LRRTM4: variants seen among roughly 807,000 people sequenced by gnomAD.
The protein encoded by LRRTM4 is leucine rich repeat transmembrane neuronal 4, also known as leucine-rich repeat transmembrane neuronal protein 4.
LRRTM4 carries 25 observed loss-of-function variants against 47.6 expected under a neutral mutation model. That is an observed-to-expected ratio of 0.53 (90% CI 0.38 to 0.73). LRRTM4 has a LOEUF of 0.73. Ranked by LOEUF, LRRTM4 falls within the 30% of genes least tolerant of loss-of-function variation. LRRTM4 has a pLI of 0.00. For synonymous variants in LRRTM4, 311 were observed against 269.5 expected (o/e 1.15, Z -1.51); for missense variants, 638 against 713.4 (o/e 0.89, Z 1.20).
At chr2:76,824,927 T>C (rs1671151075) in intron 3 of LRRTM4, among the ~76,000 whole-genome samples, 1 of 151,606 alleles carries the variant, frequency 6.6e-6, no homozygotes, top group Admixed American at 6.6e-5. Flanking sequence ...CTAGTGACCA[T>C]CAAATGACAC....
At chr2:77,223,477 A>G (rs1674706377) in intron 3 of LRRTM4, among the ~76,000 whole-genome samples, 1 of 152,190 alleles carries the variant, frequency 6.6e-6, no homozygotes, top group Non-Finnish European at 1.5e-5. Flanking sequence ...CTCAGCCCAA[A>G]ATCTCCTTAA....
At chr2:76,877,916 GA>G (rs148539786) in intron 3 of LRRTM4, among the ~76,000 whole-genome samples, 28,195 of 151,912 alleles carry the variant, frequency 0.19, 2,692 homozygotes, top group Admixed American at 0.24. Context: ...AAAGAAGAAG[GA>G]AAAAAGGTCA....
At chr2:77,517,795 T>A (rs764739146) in intron 3 of LRRTM4, 1 of 985,018 alleles carries the variant, frequency 1.0e-6, no homozygotes, top group Non-Finnish European at 1.2e-6. Context: ...GCAAGTAACA[T>A]GGGTGTGAGA....
chr2:76,878,624 T>A (rs1672842688), intron 3 of LRRTM4, among the ~76,000 whole-genome samples: 1 of 152,088 alleles, frequency 6.6e-6, no homozygotes. Context: ...AGCCCAGCAC[T>A]TTGGTAGTCC....
At chr2:77,101,026 G>C (rs1670938823) in intron 3 of LRRTM4, among the ~76,000 whole-genome samples, 1 of 151,812 alleles carries the variant, frequency 6.6e-6, no homozygotes, top group East Asian at 1.9e-4. Flanking sequence ...TAGTAGAGAC[G>C]GGGTTTCACC....
intron 3 of LRRTM4, chr2:77,517,600 A>C (rs758555394): frequency 1.0e-6 from 1 of 985,052 alleles, no homozygotes; most frequent in South Asian, 4.7e-5. Flanking sequence ...AATCGGATCT[A>C]TATCCCAGTA....
At chr2:76,811,837 A>C (rs1670743236) in intron 3 of LRRTM4, among the ~76,000 whole-genome samples, 1 of 152,174 alleles carries the variant, frequency 6.6e-6, no homozygotes, top group South Asian at 2.1e-4. Flanking sequence ...GCAAGCCTTC[A>C]AGTAGGAAGA....
At chr2:77,300,770 C>CT (rs1215413513) in intron 3 of LRRTM4, among the ~76,000 whole-genome samples, 2 of 151,988 alleles carry the variant, frequency 1.3e-5, no homozygotes, top group Non-Finnish European at 2.9e-5. Flanking sequence ...ATATTTAGTG[C>CT]TTTTCTATTA....
intron 3 of LRRTM4, among the ~76,000 whole-genome samples, chr2:77,436,675 G>T (rs1675612123): frequency 6.6e-6 from 1 of 151,466 alleles, no homozygotes; most frequent in Non-Finnish European, 1.5e-5. Context: ...TTTTGATAAT[G>T]AAATATATTA....
At chr2:77,387,924 A>T (rs1003304758) in intron 3 of LRRTM4, among the ~76,000 whole-genome samples, 1 of 152,146 alleles carries the variant, frequency 6.6e-6, no homozygotes, top group Admixed American at 6.6e-5. Context: ...AGTAAAAAAA[A>T]AATTGATCAG....
chr2:76,794,020 G>A (rs922696243), intron 3 of LRRTM4, among the ~76,000 whole-genome samples: 3 of 152,154 alleles, frequency 2.0e-5, no homozygotes, highest in African/African-American at 7.2e-5. Context: ...ATAGTAATCT[G>A]TATAAGCCAA....
rs779115696 is a variant in LRRTM4 at position 76,748,733 on chromosome 2, C to T, written c.1735G>A (p.Ala579Thr). The T allele has an allele frequency of 1.9e-6, 3 of 1,613,616 alleles. No individual in the cohort carries two copies. Among genetic ancestry groups the T allele is most frequent in the Non-Finnish European group, 2.5e-6 (3 of 1,179,802 alleles). The change falls in exon 4 of 4, where the codon GCA becomes ACA. Residue 579 changes from alanine to threonine, a missense_variant. Physicochemically the swap from Ala to Thr is moderately conservative, Grantham distance 58 (BLOSUM62 0). Coordinates refer to ENST00000409884, the MANE Select transcript of LRRTM4 (RefSeq NM_001134745.3). ...HSFIATIARSAAPAIYLERIA... is the reference protein window; with the variant it reads ...HSFIATIARSTAPAIYLERIA... ...CTCTCTAGGTAGATGGCCGGTGCTG[C>T]CGACCTGGCGATGGTGGCGATGAAG...
intron 3 of LRRTM4, among the ~76,000 whole-genome samples, chr2:76,793,355 G>A (rs368082134): frequency 4.4e-4 from 67 of 152,246 alleles, no homozygotes; most frequent in African/African-American, 1.5e-3. Flanking sequence ...ATGGGACATA[G>A]ATTTTCTTGG....
intron 3 of LRRTM4, among the ~76,000 whole-genome samples, chr2:76,963,491 C>T (rs896803409): frequency 1.3e-5 from 2 of 150,498 alleles, no homozygotes; most frequent in East Asian, 3.9e-4. Context: ...GGCCAAGAAA[C>T]CTTTGAAAAA....
intron 3 of LRRTM4, among the ~76,000 whole-genome samples, chr2:77,247,600 A>G (rs1249531123): frequency 1.3e-5 from 2 of 152,030 alleles, no homozygotes; most frequent in Non-Finnish European, 1.5e-5. Context: ...TAATAACTCT[A>G]AATTGACTCT....
chr2:77,038,837 G>A (rs1017125195), intron 3 of LRRTM4, among the ~76,000 whole-genome samples: 6 of 151,334 alleles, frequency 4.0e-5, no homozygotes, highest in African/African-American at 1.2e-4. Context: ...ACCATCTAAT[G>A]TTGCATTTTA....
chr2:77,432,562 A>C (rs1408510561), intron 3 of LRRTM4, among the ~76,000 whole-genome samples: 1 of 152,280 alleles, frequency 6.6e-6, no homozygotes, highest in African/African-American at 2.4e-5. Context: ...AGTCATCGAC[A>C]TATGGGATAC....
intron 3 of LRRTM4, among the ~76,000 whole-genome samples, chr2:76,994,422 A>G (rs1183392151): frequency 1.3e-5 from 2 of 151,970 alleles, no homozygotes; most frequent in Non-Finnish European, 2.9e-5. Flanking sequence ...GGCCCTTTGC[A>G]TTTCCTTAGT....
chr2:76,917,327 A>T lies in LRRTM4; in HGVS notation c.1552-168411T>A, dbSNP rs527828988. Among the ~76,000 whole-genome samples the T allele has an allele frequency of 5.4e-4, 82 of 152,248 alleles. 1 individual carries two copies. In the Middle Eastern group the frequency reaches 0.024, roughly 44 times the overall value. ...AGAACTCTCTCTAAAATCCTTTAAT[A>T]TTTTTTTAAATACTGGGTTTCCTAG... On this transcript the variant is annotated intron_variant, in intron 3 of 3. Transcript: ENST00000409884.
Sources: allele counts gnomAD v4.1 joint callset (sites outside exome capture counted in the v4.1 genomes callset), GRCh38; gene constraint gnomAD v4.1.1; transcripts MANE v1.5; gene names NCBI Gene and HGNC (gene_info 2026-07-23, HGNC 2026-07-21).